The following TRIM65 variants were observed in gnomAD, a reference collection of about 807,000 sequenced individuals.
TRIM65 encodes E3 ubiquitin-protein ligase TRIM65.
In TRIM65, 46 loss-of-function variants were observed where a neutral mutation model predicts 36.1. The observed-to-expected ratio is 1.27, with a 90% CI of 1.01 to 1.63. TRIM65 has a LOEUF of 1.63. Ranked by LOEUF, TRIM65 falls within the 40% of genes most tolerant of loss-of-function variation. The pLI, the probability that TRIM65 is intolerant of heterozygous loss-of-function variation, is 0.00. For missense variants in TRIM65, 708 were observed against 696.6 expected, an observed-to-expected ratio of 1.02 and a Z score of -0.18; for synonymous variants, 346 against 313.6, an observed-to-expected ratio of 1.10 and a Z score of -1.09.
At chr17:75,882,453 C>A (rs2065174530) in intron 4 of TRIM65, among the ~76,000 whole-genome samples, 1 of 150,750 alleles carries the variant, frequency 6.6e-6, no homozygotes, top group Admixed American at 6.6e-5. Flanking sequence ...AGGTGATCTG[C>A]CTGCCTCGGC....
chr17:75,881,324 A>G (rs1262835849), intron 4 of TRIM65, among the ~76,000 whole-genome samples: 1 of 149,914 alleles, frequency 6.7e-6, no homozygotes, highest in Non-Finnish European at 1.5e-5. Context: ...CTCTCCAGGC[A>G]CTCAGGAACC....
chr17:75,883,642 C>T (rs1461037596), intron 4 of TRIM65, among the ~76,000 whole-genome samples: 3 of 151,360 alleles, frequency 2.0e-5, no homozygotes, highest in Non-Finnish European at 4.4e-5. Flanking sequence ...ATTCTCCTGC[C>T]TCAGCCTCCC....
At chr17:75,895,909 G>T (rs113485043) in intron 1 of TRIM65, among the ~76,000 whole-genome samples, 1 of 152,190 alleles carries the variant, frequency 6.6e-6, no homozygotes, top group Non-Finnish European at 1.5e-5. Flanking sequence ...GACACACGAC[G>T]GTTCTCTAGC....
chr17:75,894,562 A>C (rs1340029616), intron 1 of TRIM65, among the ~76,000 whole-genome samples: 1 of 152,128 alleles, frequency 6.6e-6, no homozygotes, highest in African/African-American at 2.4e-5. Flanking sequence ...AATGATTCCC[A>C]GCTCTCGACT....
In TRIM65 at chr17:75,896,714, G is replaced by C. The variant is rs1344790535; in HGVS notation, c.224C>G (p.Ala75Gly). ...ALSGVLEVVR[A>G]GPARDPGPDP... ...GGGGCCGGGATCCCGGGCGGGCCCG[G>C]CGCGCACCACCTCCAGCACGCCGCT... Residue 75 changes from alanine (A) to glycine (G), a missense_variant, in exon 1 of 6, where the codon GCC becomes GGC. By Grantham distance (60) the Ala-to-Gly change is moderately conservative. Coordinates refer to ENST00000269383, the MANE Select transcript of TRIM65 (RefSeq NM_173547.4). The C allele has an allele frequency of 1.5e-5, 21 of 1,393,200 alleles. No homozygotes were observed. Among genetic ancestry groups the C allele is most frequent in the South Asian group, 3.1e-5 (2 of 65,376 alleles). The allele number at this position is 1,393,200 out of a possible 1,614,324, so 86.3% of individuals were successfully genotyped here.
intron 5 of TRIM65, among the ~76,000 whole-genome samples, 182 bp from the exon 6 acceptor site, chr17:75,891,529 G>A (rs1239285240): frequency 6.6e-6 from 1 of 152,202 alleles, no homozygotes. Context: ...AGAAAACTGG[G>A]GCTCTGAGAG....
chr17:75,886,132 G>A (rs2065205045), downstream of TRIM65, among the ~76,000 whole-genome samples: 1 of 152,142 alleles, frequency 6.6e-6, no homozygotes, highest in African/African-American at 2.4e-5. Flanking sequence ...CGCTTTCCTT[G>A]CCTGCCTGCC....
At chr17:75,893,493 C>T (rs551205783) in intron 1 of TRIM65, among the ~76,000 whole-genome samples, 36 of 152,216 alleles carry the variant, frequency 2.4e-4, no homozygotes, top group Non-Finnish European at 2.8e-4. Flanking sequence ...ATCAAAACAC[C>T]GTGCTCTCAT....
At position 75,892,079 on chromosome 17, in the gene TRIM65, C is replaced by T. The variant is rs867386555; in HGVS notation, c.851G>A (p.Cys284Tyr). The T allele has an allele frequency of 2.1e-5, 32 of 1,552,152 alleles. No individual in the cohort carries two copies. In the African/African-American group the frequency reaches 3.6e-4, roughly 17 times the overall value. The change falls in exon 4 of 6, where the codon TGT becomes TAT. Residue 284 changes from cysteine to tyrosine, a missense_variant. By Grantham distance (194) the Cys-to-Tyr change is radical (BLOSUM62 -2). Transcript: ENST00000269383. ...GCTCCCCTCTTCCAAGAGGAGGCCACACAGCCGGCTTAGCAACTGCTTCAG... is the reference window on the plus strand; with the variant it reads ...GCTCCCCTCTTCCAAGAGGAGGCCATACAGCCGGCTTAGCAACTGCTTCAG... ...GDLKQLLSRL[C>Y]GLLLEEGSHP... is the part of the protein sequence containing the mutation.
At chr17:75,883,078 A>T (rs1427608108) in intron 4 of TRIM65, among the ~76,000 whole-genome samples, 1 of 148,288 alleles carries the variant, frequency 6.7e-6, no homozygotes, top group Non-Finnish European at 1.5e-5. Flanking sequence ...TTGAAAGGGG[A>T]TCCAAACACC....
downstream of TRIM65, chr17:75,879,689 AAAT>A (rs2065157626): frequency 6.6e-6 from 1 of 150,830 alleles, no homozygotes; most frequent in Non-Finnish European, 1.5e-5. Context: ...CGATATAAAT[AAAT>A]AATAAATTAA....
chr17:75,893,863 G>A (rs1599462575), intron 1 of TRIM65, among the ~76,000 whole-genome samples: 5 of 151,972 alleles, frequency 3.3e-5, no homozygotes, highest in East Asian at 1.9e-4. Flanking sequence ...TGCCCCTGTC[G>A]CTCCCTTCCT....
downstream of TRIM65, among the ~76,000 whole-genome samples, chr17:75,885,864 C>T (rs2065203076): frequency 1.3e-5 from 2 of 152,174 alleles, no homozygotes. Context: ...GCCTCAGTTC[C>T]AGGCAGCGTC....
chr17:75,896,446 C>A, intron 1 of TRIM65, 78 bp downstream of exon 1: 1 of 1,262,560 alleles, frequency 7.9e-7, no homozygotes, highest in South Asian at 2.5e-5. Context: ...GAGAGCAGGG[C>A]GCGGCCCGCA....
intron 1 of TRIM65, among the ~76,000 whole-genome samples, chr17:75,895,158 C>T (rs1278516977): frequency 1.3e-5 from 2 of 152,146 alleles, no homozygotes; most frequent in Non-Finnish European, 1.5e-5. Context: ...TCTCCCTTGC[C>T]GCCCTCTCTG....
rs2144053758 is a variant in TRIM65 at position 75,891,176 on chromosome 17, C to G, written c.1157G>C (p.Trp386Ser). 1.9e-6 allele frequency: 3 copies of G among 1,610,784 alleles called. No homozygotes were observed. In the South Asian group the frequency reaches 3.3e-5, roughly 18 times the overall value. Residue 386 changes from tryptophan (W) to serine (S), a missense_variant, in exon 6 of 6, where the codon TGG (tryptophan) becomes TCG (serine). By Grantham distance (177) the Trp-to-Ser change is radical. Coordinates refer to ENST00000269383, the MANE Select transcript of TRIM65 (RefSeq NM_173547.4). Reference protein sequence around the residue: ...AQSFQAGHHYWEVRASDHSVT... With the variant: ...AQSFQAGHHYSEVRASDHSVT... ...CGAGTGGTCTGACGCGCGCACCTCC[C>G]AGTAGTGGTGCCCGGCCTGGAAGCT...
In TRIM65 at chr17:75,890,270, T is replaced by A. The variant is rs148341513; in HGVS notation, c.*509A>T. On this transcript the variant is annotated 3_prime_UTR_variant, in exon 6 of 6. Coordinates refer to ENST00000269383, the MANE Select transcript of TRIM65 (RefSeq NM_173547.4). ...CAAAATTGTTTGTAGAATACAATTATAAGGATGCACAAAATAAAAAGACTA... is the reference window on the plus strand; with the variant it reads ...CAAAATTGTTTGTAGAATACAATTAAAAGGATGCACAAAATAAAAAGACTA... 1 of 152,456 alleles carries A rather than the reference T, an allele frequency of 6.6e-6. No homozygotes were observed. Among genetic ancestry groups the A allele is most frequent in the East Asian group, 1.9e-4 (1 of 5,190 alleles). The allele number at this position is 152,456 out of a possible 1,614,324, so 9.4% of individuals were successfully genotyped here.
chr17:75,884,793 A>AT (rs2065194632), downstream of TRIM65, among the ~76,000 whole-genome samples: 1 of 151,802 alleles, frequency 6.6e-6, no homozygotes, highest in East Asian at 1.9e-4. Context: ...TAATTTTTGT[A>AT]TTTTTTGTAG....
rs771436101 is a variant in TRIM65, at chr17:75,891,017, T to C, written c.1316A>G (p.Glu439Gly). ...EDSLQAWHNG[E>G]AQRLPGVSGR... ...TGACACCCCTGGGAGGCGCTGGGCT[T>C]CCCCGTTGTGCCAGGCCTGGAGGCT... The change falls in exon 6 of 6, where the codon GAA becomes GGA. Residue 439 changes from glutamate to glycine, a missense_variant. Glu to Gly is a moderately conservative substitution (Grantham distance 98). Coordinates refer to ENST00000269383, the MANE Select transcript of TRIM65 (RefSeq NM_173547.4). 6.2e-7 allele frequency: 1 copy of C among 1,606,384 alleles called. No individual in the cohort carries two copies. The highest frequency in any genetic ancestry group is 8.5e-7 in the Non-Finnish European group (1 of 1,176,850).
Sources: allele counts gnomAD v4.1 joint callset (sites outside exome capture counted in the v4.1 genomes callset), GRCh38; gene constraint gnomAD v4.1.1; transcripts MANE v1.5; gene names NCBI Gene and HGNC (gene_info 2026-07-23, HGNC 2026-07-21).